The following SPINK9 variants were observed in gnomAD, a reference collection of about 807,000 sequenced individuals.
SPINK9 encodes serine peptidase inhibitor Kazal type 9, also known as serine protease inhibitor Kazal-type 9.
SPINK9 carries 3 observed loss-of-function variants against 10.8 expected under a neutral mutation model. The ratio of observed to expected loss-of-function variants is 0.28; its 90% CI spans 0.13 to 0.72. SPINK9 has a LOEUF of 0.72. SPINK9 is among the 30% of genes least tolerant of loss of function. The probability of loss-of-function intolerance (pLI) is 0.74; values close to 1 mark genes in which losing one functional copy is unlikely to be tolerated. For missense variants in SPINK9, 101 were observed against 103.2 expected (o/e 0.98, Z 0.09); for synonymous variants, 30 against 31.2 (o/e 0.96, Z 0.12).
chr5:148,333,267 C>G (rs892234738), upstream of SPINK9, among the ~76,000 whole-genome samples: 7 of 152,186 alleles, frequency 4.6e-5, no homozygotes, highest in Non-Finnish European at 1.0e-4. Flanking sequence ...TTTTCCAACT[C>G]TACTGATGCA....
intron 2 of SPINK9, among the ~76,000 whole-genome samples, chr5:148,325,920 T>C (rs1270852737): frequency 6.6e-6 from 1 of 152,194 alleles, no homozygotes; most frequent in Non-Finnish European, 1.5e-5. Context: ...TATCTTATGT[T>C]ATTTTGCATG....
At chr5:148,336,537 CTA>C in intron 2 of SPINK9, 84 bp downstream of exon 2, 4 of 1,366,906 alleles carry the variant, frequency 2.9e-6, no homozygotes, top group Non-Finnish European at 2.1e-6. Context: ...AATTAAATTT[CTA>C]TATGTTTGAA....
upstream of SPINK9, among the ~76,000 whole-genome samples, chr5:148,331,249 A>AT (rs1156912563): frequency 6.6e-6 from 1 of 152,208 alleles, no homozygotes; most frequent in Non-Finnish European, 1.5e-5. Context: ...AGAGGAATGA[A>AT]TTTTTAAAAT....
intron 1 of SPINK9, 86 bp downstream of exon 1, chr5:148,335,754 T>C: frequency 6.9e-7 from 1 of 1,448,058 alleles, no homozygotes; most frequent in South Asian, 1.2e-5. Flanking sequence ...ATATATGTAA[T>C]TCATCACATA....
At chr5:148,331,131 C>G (rs1207465228), upstream of SPINK9, among the ~76,000 whole-genome samples, 2 of 152,220 alleles carry the variant, frequency 1.3e-5, no homozygotes, top group African/African-American at 4.8e-5. Flanking sequence ...GTGAGACGAA[C>G]CCAGTACCTC....
intron 2 of SPINK9, among the ~76,000 whole-genome samples, chr5:148,327,776 T>A (rs1454174699): frequency 6.6e-6 from 1 of 152,048 alleles, no homozygotes; most frequent in Admixed American, 6.5e-5. Context: ...CTTTCCCCAT[T>A]GCTTGTTTTT....
At chr5:148,330,381 T>A (rs1757132279) in intron 2 of SPINK9, among the ~76,000 whole-genome samples, 1 of 152,222 alleles carries the variant, frequency 6.6e-6, no homozygotes, top group Non-Finnish European at 1.5e-5. Flanking sequence ...CATCCCTTTA[T>A]TTTGAGCCTA....
intron 1 of SPINK9, among the ~76,000 whole-genome samples, chr5:148,322,877 T>G (rs1366101526): frequency 6.6e-6 from 1 of 152,142 alleles, no homozygotes; most frequent in Non-Finnish European, 1.5e-5. Flanking sequence ...GACCTTTTTC[T>G]TCCAGCATTT....
chr5:148,325,211 T>G (rs1170955865), intron 2 of SPINK9, among the ~76,000 whole-genome samples: 1 of 152,096 alleles, frequency 6.6e-6, no homozygotes, highest in East Asian at 1.9e-4. Flanking sequence ...AATTTGGGGT[T>G]TTATAAATAA....
rs78680738 is a variant in SPINK9, at chr5:148,336,895, G to A, written c.87+442G>A. Among the ~76,000 whole-genome samples the A allele has an allele frequency of 1.8e-3, 277 of 152,190 alleles. 5 individuals carry two copies. Among genetic ancestry groups the A allele is most frequent in the East Asian group, 5.6e-3 (29 of 5,164 alleles). On this transcript the variant is annotated intron_variant, in intron 2 of 3. Coordinates refer to ENST00000377906, the MANE Select transcript of SPINK9 (RefSeq NM_001040433.2). ...AATTTAGCCTTCCATTCATGACTCA[G>A]GTTACAGTAATGAGTATTGTTGAAA...
upstream of SPINK9, among the ~76,000 whole-genome samples, chr5:148,332,111 A>G (rs1757158986): frequency 6.6e-6 from 1 of 152,266 alleles, no homozygotes; most frequent in Non-Finnish European, 1.5e-5. Flanking sequence ...CTTGCAATAG[A>G]AAATTCAAAA....
intron 2 of SPINK9, among the ~76,000 whole-genome samples, chr5:148,329,911 T>A (rs1032388971): frequency 8.5e-5 from 13 of 152,222 alleles, no homozygotes; most frequent in South Asian, 2.1e-4. Flanking sequence ...TGCTGAGGAG[T>A]GCTTTACTTC....
rs761534028 is a variant in SPINK9, at chr5:148,336,502, A to G, written c.87+49A>G. 123 of 1,561,604 alleles carry G rather than the reference A, an allele frequency of 7.9e-5. No homozygotes were observed. In the Admixed American group the frequency reaches 2.0e-3, roughly 25 times the overall value. ...ATGTAATTTTAAAGTCAATATCAGT[A>G]AGGAAATATTTGATACTACACAGTA... On this transcript the variant is annotated intron_variant, in intron 2 of 3. Transcript: ENST00000377906.
intron 1 of SPINK9, among the ~76,000 whole-genome samples, chr5:148,322,084 A>T (rs1359363160): frequency 1.3e-5 from 2 of 152,242 alleles, no homozygotes; most frequent in Non-Finnish European, 2.9e-5. Context: ...GTATTTATAG[A>T]AAACCACAAA....
At chr5:148,329,835 T>G (rs1178751810) in intron 2 of SPINK9, among the ~76,000 whole-genome samples, 1 of 152,362 alleles carries the variant, frequency 6.6e-6, no homozygotes, top group South Asian at 2.1e-4. Context: ...TTCCTAATCA[T>G]GAGTTCTAGT....
intron 2 of SPINK9, among the ~76,000 whole-genome samples, chr5:148,326,641 T>G (rs1245425900): frequency 6.6e-6 from 1 of 152,234 alleles, no homozygotes; most frequent in Non-Finnish European, 1.5e-5. Flanking sequence ...ATTAGGTATA[T>G]CTCCTAATGC....
chr5:148,332,703 TC>T (rs1757165879), upstream of SPINK9, among the ~76,000 whole-genome samples: 1 of 152,214 alleles, frequency 6.6e-6, no homozygotes, highest in Non-Finnish European at 1.5e-5. Flanking sequence ...CATGGACTAT[TC>T]TAAAGTTCCA....
At chr5:148,328,537 A>G (rs1038974254) in intron 2 of SPINK9, among the ~76,000 whole-genome samples, 9 of 152,118 alleles carry the variant, frequency 5.9e-5, no homozygotes, top group Non-Finnish European at 1.0e-4. Flanking sequence ...TTCCAACACT[A>G]TGTTGAATAG....
At chr5:148,330,169 C>G (rs1296258631) in intron 2 of SPINK9, among the ~76,000 whole-genome samples, 1 of 152,138 alleles carries the variant, frequency 6.6e-6, no homozygotes, top group African/African-American at 2.4e-5. Context: ...TAAGGACTTG[C>G]TTTATGAATC....
Sources: allele counts gnomAD v4.1 joint callset (sites outside exome capture counted in the v4.1 genomes callset), GRCh38; gene constraint gnomAD v4.1.1; transcripts MANE v1.5; gene names NCBI Gene and HGNC (gene_info 2026-07-23, HGNC 2026-07-21).